The following ATRNL1 variants were observed in gnomAD, a reference collection of about 807,000 sequenced individuals.
The protein encoded by ATRNL1 is attractin like 1, also known as attractin-like protein 1.
A neutral mutation model predicts 182.7 loss-of-function variants in ATRNL1; 95 were observed. The ratio of observed to expected loss-of-function variants is 0.52; its 90% confidence interval spans 0.44 to 0.62. ATRNL1 has a LOEUF of 0.62. Ranked by LOEUF, ATRNL1 falls within the 20% of genes least tolerant of loss-of-function variation. The probability of loss-of-function intolerance (pLI) is 0.00; values close to 1 mark genes in which losing one functional copy is unlikely to be tolerated. For missense variants in ATRNL1, 1,471 were observed against 1,679.5 expected (o/e 0.88, Z 2.17); for synonymous variants, 576 against 568.3 (o/e 1.01, Z -0.19).
chr10:115,424,167 A>T (rs1319051472), intron 20 of ATRNL1, among the ~76,000 whole-genome samples: 1 of 152,208 alleles, frequency 6.6e-6, no homozygotes, highest in Non-Finnish European at 1.5e-5. Flanking sequence ...GCTCACTGAT[A>T]TAAGAAGAAG....
intron 5 of ATRNL1, among the ~76,000 whole-genome samples, chr10:115,135,721 G>A (rs1343778168): frequency 6.6e-6 from 1 of 152,158 alleles, no homozygotes; most frequent in Non-Finnish European, 1.5e-5. Context: ...AGCCTGCATT[G>A]CCAAGTCAAT....
intron 28 of ATRNL1, among the ~76,000 whole-genome samples, chr10:115,888,168 A>G (rs1299295118): frequency 1.3e-5 from 2 of 152,104 alleles, no homozygotes; most frequent in East Asian, 1.9e-4. Flanking sequence ...CTTACCCTTC[A>G]GTTTAGCTAG....
chr10:115,286,548 T>TC, intron 15 of ATRNL1, 151 bp downstream of exon 15: 1 of 544,130 alleles, frequency 1.8e-6, no homozygotes, highest in Non-Finnish European at 3.2e-6. Context: ...AAGACTTATT[T>TC]TGTATAAGTA....
chr10:115,509,079 T>C (rs1592759712), intron 24 of ATRNL1, among the ~76,000 whole-genome samples: 1 of 152,138 alleles, frequency 6.6e-6, no homozygotes, highest in East Asian at 1.9e-4. Context: ...CCTTAAGAAT[T>C]ATGCTAAACA....
At chr10:115,711,430 G>A (rs1555054518) in intron 26 of ATRNL1, among the ~76,000 whole-genome samples, 1 of 152,182 alleles carries the variant, frequency 6.6e-6, no homozygotes, top group East Asian at 1.9e-4. Flanking sequence ...CAATGAGTAA[G>A]AGCAGGAGAG....
At chr10:115,549,694 G>A (rs1329281978) in intron 26 of ATRNL1, among the ~76,000 whole-genome samples, 158 bp downstream of exon 26, 1 of 151,856 alleles carries the variant, frequency 6.6e-6, no homozygotes, top group Non-Finnish European at 1.5e-5. Context: ...AAGCTGTAGA[G>A]CAAACTTTAT....
intron 14 of ATRNL1, among the ~76,000 whole-genome samples, chr10:115,282,603 TATAAAAG>T (rs781793031): frequency 1.3e-5 from 2 of 152,156 alleles, no homozygotes; most frequent in African/African-American, 2.4e-5. Flanking sequence ...TCCTTTGAAA[TATAAAAG>T]ATAAAATTAG....
At position 115,461,967 on chromosome 10, in the gene ATRNL1, A is replaced by G. The variant is rs782776210; in HGVS notation, c.3349A>G (p.Thr1117Ala). The G allele has an allele frequency of 6.2e-7, 1 of 1,610,844 alleles. No homozygotes were observed. Among genetic ancestry groups the G allele is most frequent in the Admixed American group, 1.7e-5 (1 of 59,730 alleles). ...YYSLLIDYQFTFSLLQEDDRH... is the reference protein window; with the variant it reads ...YYSLLIDYQFAFSLLQEDDRH... ...CAGCCTTTTGATTGATTATCAATTT[A>G]CCTTCAGCTTATTACAGGAAGATGA... The change falls in exon 22 of 29, where the codon ACC becomes GCC. Residue 1117 changes from threonine to alanine, a missense_variant. Coordinates refer to ENST00000355044, the MANE Select transcript of ATRNL1 (RefSeq NM_207303.4).
At chr10:115,743,238 T>TAAAAAAAAAAA (rs67671102) in intron 27 of ATRNL1, among the ~76,000 whole-genome samples, 1 of 115,960 alleles carries the variant, frequency 8.6e-6, no homozygotes, top group Non-Finnish European at 1.7e-5. Flanking sequence ...TCTCTTATAG[T>TAAAAAAAAAAA]AAAAAAAAAA....
At chr10:115,430,020 G>C (rs535624058) in intron 21 of ATRNL1, among the ~76,000 whole-genome samples, 1 of 152,100 alleles carries the variant, frequency 6.6e-6, no homozygotes, top group Non-Finnish European at 1.5e-5. Flanking sequence ...GCAGTGAGCC[G>C]AGATCGCGCC....
intron 19 of ATRNL1, among the ~76,000 whole-genome samples, chr10:115,366,150 T>G (rs1306749118): frequency 2.6e-5 from 4 of 152,088 alleles, no homozygotes; most frequent in Non-Finnish European, 5.9e-5. Context: ...TGTGTGGGAG[T>G]CTGAGTCTCT....
At chr10:115,251,577 T>A (rs1187054412) in intron 10 of ATRNL1, among the ~76,000 whole-genome samples, 2 of 152,180 alleles carry the variant, frequency 1.3e-5, no homozygotes, top group Non-Finnish European at 1.5e-5. Flanking sequence ...TTCTTAGTGA[T>A]GCTAGTGTCT....
At chr10:115,162,254 G>A (rs1310739274) in intron 6 of ATRNL1, among the ~76,000 whole-genome samples, 2 of 151,944 alleles carry the variant, frequency 1.3e-5, no homozygotes, top group Admixed American at 1.3e-4. Context: ...AGTAGGAGTA[G>A]GTAAATCAGG....
chr10:115,604,076 A>G (rs1253487292), intron 26 of ATRNL1, among the ~76,000 whole-genome samples: 2 of 151,930 alleles, frequency 1.3e-5, no homozygotes, highest in East Asian at 3.9e-4. Context: ...ATTGTTTTTT[A>G]CTGACTTATT....
chr10:115,159,038 G>A (rs533115400), intron 5 of ATRNL1, among the ~76,000 whole-genome samples: 22 of 151,784 alleles, frequency 1.4e-4, no homozygotes, highest in African/African-American at 5.3e-4. Flanking sequence ...TAATGTAGGT[G>A]TGCTAAAATT....
At chr10:115,343,946 C>T (rs539881359) in intron 19 of ATRNL1, among the ~76,000 whole-genome samples, 1 of 152,306 alleles carries the variant, frequency 6.6e-6, no homozygotes, top group South Asian at 2.1e-4. Context: ...CAGGCAGAGA[C>T]TATTGTTCTC....
intron 5 of ATRNL1, among the ~76,000 whole-genome samples, chr10:115,153,423 T>A (rs11197087): frequency 0.21 from 32,087 of 152,158 alleles, 4,324 homozygotes; most frequent in Non-Finnish European, 0.3. Context: ...TTCAACTTCT[T>A]CCTGGTTTAG....
At chr10:115,519,156 C>T in intron 24 of ATRNL1, 107 bp from the exon 25 acceptor site, 2 of 915,116 alleles carry the variant, frequency 2.2e-6, no homozygotes, top group East Asian at 2.6e-5. Context: ...TATCATGATC[C>T]AAATGTCTTG....
At chr10:115,094,115 G>T in intron 1 of ATRNL1, 72 bp downstream of exon 1, 2 of 1,282,028 alleles carry the variant, frequency 1.6e-6, no homozygotes, top group Non-Finnish European at 1.0e-6. Flanking sequence ...CGCCCCCCTC[G>T]CGGCCTCCCC....
Sources: allele counts gnomAD v4.1 joint callset (sites outside exome capture counted in the v4.1 genomes callset), GRCh38; gene constraint gnomAD v4.1.1; transcripts MANE v1.5; gene names NCBI Gene and HGNC (gene_info 2026-07-23, HGNC 2026-07-21).